Variants in SCN1A observed in about 807,000 individuals in gnomAD.
The protein encoded by SCN1A is sodium channel protein type 1 subunit alpha.
SCN1A carries 13 observed loss-of-function variants against 193.7 expected under a neutral mutation model. That is an observed-to-expected ratio of 0.07 (90% CI 0.04 to 0.11). SCN1A has a LOEUF of 0.11. SCN1A is among the 10% of genes least tolerant of loss of function. The pLI is 1.00. For missense variants in SCN1A, 1,432 were observed against 2,451.1 expected, an observed-to-expected ratio of 0.58 and a Z score of 8.78; for synonymous variants, 781 against 843.6, an observed-to-expected ratio of 0.93 and a Z score of 1.29.
At chr2:166,014,049 C>T in intron 20 of SCN1A, 151 bp from the exon 21 acceptor site, 1 of 918,896 alleles carries the variant, frequency 1.1e-6, no homozygotes, top group South Asian at 1.5e-5. Flanking sequence ...GCACATTCAT[C>T]AGCTGTGTGA....
At chr2:166,139,622 T>A (rs1692001136) in intron 1 of SCN1A, among the ~76,000 whole-genome samples, 1 of 152,218 alleles carries the variant, frequency 6.6e-6, no homozygotes, top group Non-Finnish European at 1.5e-5. Flanking sequence ...TTCATTTTCA[T>A]GCTGCTGATA....
upstream of SCN1A, among the ~76,000 whole-genome samples, chr2:166,128,692 T>C (rs1691496504): frequency 6.6e-6 from 1 of 152,178 alleles, no homozygotes; most frequent in Admixed American, 6.5e-5. Flanking sequence ...TTTTACTATA[T>C]TTTACTCCAA....
chr2:166,006,289 T>C (rs1691645195), intron 23 of SCN1A, among the ~76,000 whole-genome samples: 1 of 151,362 alleles, frequency 6.6e-6, no homozygotes, highest in African/African-American at 2.4e-5. Context: ...AAGACAGTTT[T>C]TTTGTAAGCT....
In SCN1A at chr2:166,127,972, G is replaced by T. The variant is rs1691442177; in HGVS notation, c.-430C>A. ...AACGCACACATACACACATGCACCA[G>T]AGACCTCTGCAGTATCCTCTCGGCT... On this transcript the variant is annotated 5_prime_UTR_variant, in exon 1 of 29. In the 5' UTR this introduces an upstream ATG that the reference lacks. Coordinates refer to ENST00000674923, the MANE Select transcript of SCN1A (RefSeq NM_001165963.4). 6.7e-6 allele frequency: 1 copy of T among 148,208 alleles called. No individual in the cohort carries two copies. The highest frequency in any genetic ancestry group is 2.5e-5 in the African/African-American group (1 of 40,122). The allele number at this position is 148,208 out of a possible 1,614,324, so 9.2% of individuals were successfully genotyped here.
intron 2 of SCN1A, among the ~76,000 whole-genome samples, chr2:166,119,000 A>C (rs1690229197): frequency 6.6e-6 from 1 of 152,198 alleles, no homozygotes; most frequent in East Asian, 1.9e-4. Context: ...CATAAGGAGC[A>C]CACAACCTAG....
intron 4 of SCN1A, among the ~76,000 whole-genome samples, chr2:166,070,648 T>A (rs1684318182): frequency 6.6e-6 from 1 of 152,230 alleles, no homozygotes; most frequent in Non-Finnish European, 1.5e-5. Context: ...AATTTTGTTT[T>A]ACATCTGTCT....
chr2:166,117,033 C>G (rs1331833768), intron 2 of SCN1A, among the ~76,000 whole-genome samples: 1 of 152,104 alleles, frequency 6.6e-6, no homozygotes, highest in Non-Finnish European at 1.5e-5. Flanking sequence ...GCAGATGCAT[C>G]TTTTTCAAAA....
intron 19 of SCN1A, among the ~76,000 whole-genome samples, chr2:166,026,929 C>T (rs1214353962): frequency 1.3e-5 from 2 of 151,758 alleles, no homozygotes; most frequent in East Asian, 3.9e-4. Context: ...GTGATTCGCC[C>T]GCCTCGGCCT....
At chr2:166,068,461 T>G (rs1824549) in intron 4 of SCN1A, among the ~76,000 whole-genome samples, 60,655 of 151,934 alleles carry the variant, frequency 0.4, 12,670 homozygotes, top group East Asian at 0.72. Flanking sequence ...TGGGTGACTT[T>G]TAGTTTTACA....
chr2:165,984,749 A>T (rs1688497440), downstream of SCN1A: 1 of 152,124 alleles, frequency 6.6e-6, no homozygotes, highest in South Asian at 2.1e-4. Context: ...TGAATATAGG[A>T]GATGTATTTA....
intron 11 of SCN1A, 131 bp from the exon 12 acceptor site, chr2:166,047,107 CTT>C: frequency 2.1e-6 from 2 of 973,450 alleles, no homozygotes; most frequent in South Asian, 1.6e-5. Flanking sequence ...GCACCCTGTA[CTT>C]TTTTTTTATT....
At chr2:166,133,661 A>G (rs1482574968) in intron 1 of SCN1A, among the ~76,000 whole-genome samples, 1 of 152,054 alleles carries the variant, frequency 6.6e-6, no homozygotes, top group Admixed American at 6.6e-5. Context: ...TTTATTTTTG[A>G]TCTTTTCTTC....
At chr2:166,051,013 A>G (rs1216142329) in intron 9 of SCN1A, among the ~76,000 whole-genome samples, 2 of 152,038 alleles carry the variant, frequency 1.3e-5, no homozygotes, top group Non-Finnish European at 2.9e-5. Context: ...TAATTAATGT[A>G]TAATGAGTTA....
chr2:166,104,177 A>G (rs933204065), intron 2 of SCN1A: 1 of 152,252 alleles, frequency 6.6e-6, no homozygotes. Context: ...CTTTCTAAGA[A>G]AAATTATGGA....
intron 23 of SCN1A, among the ~76,000 whole-genome samples, chr2:166,006,399 A>C (rs1691660871): frequency 6.6e-6 from 1 of 151,348 alleles, no homozygotes. Flanking sequence ...AGAATAAATA[A>C]AATGTAGAGT....
At chr2:166,089,746 T>A (rs1474063492) in intron 2 of SCN1A, among the ~76,000 whole-genome samples, 2 of 152,142 alleles carry the variant, frequency 1.3e-5, no homozygotes, top group African/African-American at 4.8e-5. Context: ...CAGAAAAAAC[T>A]CACTCATTCT....
chr2:166,036,028 C>T lies in SCN1A; in HGVS notation c.3429+20G>A, dbSNP rs1358598913. 4.3e-6 allele frequency: 7 copies of T among 1,611,132 alleles called. No homozygotes were observed. In the South Asian group the frequency reaches 6.6e-5, roughly 15 times the overall value. The stretch of plus-strand genomic sequence containing the variant: ...TATATGTATATGTATTCATACCTTC[C>T]CACACCTATAGAATCTTACCTCTTT... On this transcript the variant is annotated intron_variant, in intron 19 of 28. Transcript: ENST00000674923.
intron 2 of SCN1A, among the ~76,000 whole-genome samples, chr2:166,093,359 G>A (rs1421937352): frequency 6.6e-6 from 1 of 150,650 alleles, no homozygotes; most frequent in Non-Finnish European, 1.5e-5. Context: ...TTTCCTTTGA[G>A]ATGGAGTCTC....
At position 166,051,999 on chromosome 2, in the gene SCN1A, G is replaced by T; in HGVS notation, c.695-11C>A. On this transcript the variant is annotated splice_polypyrimidine_tract_variant and intron_variant, in intron 8 of 28. Transcript: ENST00000674923. Reference sequence around the variant, plus strand: ...CAATGGTTTTCAGGCCTGAAAGAAAGAAGTCTATTACTATGAAGACTTAAC... The same window carrying T: ...CAATGGTTTTCAGGCCTGAAAGAAATAAGTCTATTACTATGAAGACTTAAC... The T allele has an allele frequency of 6.2e-7, 1 of 1,608,804 alleles. No individual in the cohort carries two copies. Among genetic ancestry groups the T allele is most frequent in the Non-Finnish European group, 8.5e-7 (1 of 1,176,942 alleles).
Sources: allele counts gnomAD v4.1 joint callset (sites outside exome capture counted in the v4.1 genomes callset), GRCh38; gene constraint gnomAD v4.1.1; transcripts MANE v1.5; gene names NCBI Gene and HGNC (gene_info 2026-07-23, HGNC 2026-07-21).